SETD1A: variants seen among roughly 807,000 people sequenced by gnomAD.
The protein encoded by SETD1A is histone-lysine N-methyltransferase SETD1A.
Under a neutral mutation model 149.9 loss-of-function variants are expected in SETD1A, and 29 were observed. The observed-to-expected ratio is 0.19, with a 90% CI of 0.14 to 0.26. The LOEUF (loss-of-function observed/expected upper bound fraction) is 0.26, where lower values mean the gene tolerates loss of function less well. Among genes scored for constraint, SETD1A ranks in the 10% least tolerant of loss-of-function variants. SETD1A has a pLI of 1.00. For missense variants in SETD1A, 2,109 were observed against 2,353.1 expected (o/e 0.90, Z 2.15); for synonymous variants, 1,141 against 968.5 (o/e 1.18, Z -3.31).
At chr16:30,958,935 T>A in intron 2 of SETD1A, 54 bp downstream of exon 2, 1 of 1,603,488 alleles carries the variant, frequency 6.2e-7, no homozygotes, top group Non-Finnish European at 8.5e-7. Flanking sequence ...GCCCGTCCTC[T>A]GTGATTCTGT....
rs2143488294 is a variant in SETD1A, at chr16:30,964,706, A to G, written c.964A>G (p.Thr322Ala). ...RHFSASSAST[T>A]ASTAIAATTA... Reference sequence around the variant, plus strand: ...CTTCTCTGCATCTTCAGCCTCCACAACCGCCTCCACGGCCATCGCCGCCAC... The same window carrying G: ...CTTCTCTGCATCTTCAGCCTCCACAGCCGCCTCCACGGCCATCGCCGCCAC... The change falls in exon 7 of 19, where the codon ACC (threonine) becomes GCC (alanine). Residue 322 changes from threonine (T) to alanine (A), a missense_variant. Coordinates refer to ENST00000262519, the MANE Select transcript of SETD1A (RefSeq NM_014712.3). 6.2e-7 allele frequency: 1 copy of G among 1,613,698 alleles called. No individual in the cohort carries two copies.
chr16:30,964,004 AG>A, intron 5 of SETD1A, 89 bp from the exon 6 acceptor site: 3 of 1,029,318 alleles, frequency 2.9e-6, no homozygotes, highest in Admixed American at 4.4e-5. Flanking sequence ...AAAAAAAAAA[AG>A]GGAACTAGGA....
chr16:30,978,383 G>T (rs902327492), intron 13 of SETD1A, among the ~76,000 whole-genome samples: 1 of 152,178 alleles, frequency 6.6e-6, no homozygotes, highest in African/African-American at 2.4e-5. Flanking sequence ...CATTGGGCTG[G>T]CTCTGAGAGC....
At chr16:30,977,883 G>T (rs2056303525) in intron 13 of SETD1A, among the ~76,000 whole-genome samples, 2 of 152,212 alleles carry the variant, frequency 1.3e-5, no homozygotes, top group African/African-American at 4.8e-5. Context: ...GTGGGCTGCA[G>T]TTCAGAGCAT....
rs557184116 is a variant in SETD1A, at chr16:30,967,121, T to A, written c.2682+61T>A. The stretch of plus-strand genomic sequence containing the variant: ...GAGAGGGAGAGGGGGCCCCCTTCCT[T>A]GGGGTAGGGGTGGTCAGGAACCATG... On this transcript the variant is annotated intron_variant, in intron 9 of 18. Coordinates refer to ENST00000262519, the MANE Select transcript of SETD1A (RefSeq NM_014712.3). The A allele has an allele frequency of 4.0e-6, 5 of 1,250,422 alleles. No homozygotes were observed. In the East Asian group the frequency reaches 1.2e-4, roughly 31 times the overall value. 77.5% of individuals were successfully genotyped at this position (1,250,422 alleles called of 1,614,324 possible). A position where few individuals can be genotyped will look rare whatever the true frequency, so the allele number is the denominator to read the frequency against.
At position 30,981,144 on chromosome 16, in the gene SETD1A, G is replaced by A. The variant is rs376294752; in HGVS notation, c.4776G>A (p.Glu1592=). Residue 1592 remains glutamate, a synonymous_variant, in exon 17 of 19, where the codon GAG becomes GAA. Coordinates refer to ENST00000262519, the MANE Select transcript of SETD1A (RefSeq NM_014712.3). ...LFAMEPIAAD[E]MVIEYVGQNI... ...CCATGGAACCCATTGCTGCTGACGA[G>A]ATGGTCATCGAATACGTGGGTCAGA... 1.2e-6 allele frequency: 2 copies of A among 1,614,108 alleles called. No individual in the cohort carries two copies. The highest frequency in any genetic ancestry group is 1.3e-5 in the African/African-American group (1 of 74,932).
intron 3 of SETD1A, among the ~76,000 whole-genome samples, chr16:30,960,670 C>T (rs1368336490): frequency 6.6e-6 from 1 of 151,504 alleles, no homozygotes; most frequent in Admixed American, 6.6e-5. Context: ...AATCATCGCC[C>T]TGTAGCTCGT....
At chr16:30,967,163 C>CT (rs1373408218) in intron 9 of SETD1A, 103 bp downstream of exon 9, 60 of 906,024 alleles carry the variant, frequency 6.6e-5, no homozygotes, top group Non-Finnish European at 8.5e-5. Flanking sequence ...TGAGTTTTTT[C>CT]TTTTTTTTGA....
intron 2 of SETD1A, 21 bp from the exon 3 acceptor site, chr16:30,959,070 T>G: frequency 6.3e-7 from 1 of 1,577,434 alleles, no homozygotes; most frequent in African/African-American, 1.3e-5. Flanking sequence ...GCTCTCTTTC[T>G]GCTGCTGCTT....
chr16:30,981,842 C>G (rs944287896), intron 17 of SETD1A, among the ~76,000 whole-genome samples: 4 of 152,056 alleles, frequency 2.6e-5, no homozygotes, highest in African/African-American at 9.7e-5. Context: ...TCCCAGCTAC[C>G]CAGGAGGCTG....
Position 30,966,316 on chromosome 16 carries a change from G to A in SETD1A, c.2435G>A (p.Arg812His). 6.2e-7 allele frequency: 1 copy of A among 1,613,850 alleles called. No individual in the cohort carries two copies. Among genetic ancestry groups the A allele is most frequent in the East Asian group, 2.2e-5 (1 of 44,880 alleles). ...MKSIMQRDLNRKMVENVAFGA... is the reference protein window; with the variant it reads ...MKSIMQRDLNHKMVENVAFGA... ...AGCATCATGCAGCGAGACCTCAACC[G>A]CAAGATGGTGGAGAACGTGGCCTTC... Residue 812 changes from arginine to histidine, a missense_variant, in exon 8 of 19, where the codon CGC (arginine) becomes CAC (histidine). Physicochemically the swap from Arg to His is conservative, Grantham distance 29. Around this residue, in one of 8 missense-constraint regions of SETD1A, gnomAD observed 22 missense variants for 51.3 expected, o/e 0.43. Transcript: ENST00000262519.
chr16:30,979,102 G>C, intron 13 of SETD1A, 43 bp from the exon 14 acceptor site: 1 of 1,492,070 alleles, frequency 6.7e-7, no homozygotes, highest in Non-Finnish European at 8.9e-7. Context: ...GCTGAGCCTG[G>C]GTCTCCCTGA....
chr16:30,958,829 G>T lies in SETD1A; in HGVS notation c.98G>T (p.Arg33Leu). Reference protein sequence around the residue: ...IVDPALDPALRRPSQKVYRYD... With the variant: ...IVDPALDPALLRPSQKVYRYD... ...GATCCTGCCTTGGACCCTGCCCTGC[G>T]CAGGCCTTCTCAGAAGGTGTACCGC... Residue 33 changes from arginine (R) to leucine (L), a missense_variant, in exon 2 of 19, where the codon CGC (arginine) becomes CTC (leucine). By Grantham distance (102) the Arg-to-Leu change is moderately radical. Coordinates refer to ENST00000262519, the MANE Select transcript of SETD1A (RefSeq NM_014712.3). 8 of 1,614,178 alleles carry T rather than the reference G, an allele frequency of 5.0e-6. No individual in the cohort carries two copies. Among genetic ancestry groups the T allele is most frequent in the Non-Finnish European group, 5.9e-6 (7 of 1,179,996 alleles).
chr16:30,974,399 G>A (rs1482804471), intron 13 of SETD1A, among the ~76,000 whole-genome samples: 2 of 152,076 alleles, frequency 1.3e-5, no homozygotes, highest in African/African-American at 2.4e-5. Flanking sequence ...GCGAGTGGGG[G>A]GAGAGAAAGG....
intron 13 of SETD1A, among the ~76,000 whole-genome samples, chr16:30,972,375 G>A (rs1052343311): frequency 6.6e-6 from 1 of 152,166 alleles, no homozygotes; most frequent in Non-Finnish European, 1.5e-5. Flanking sequence ...GGTGGCTTAC[G>A]CCTGTAATCC....
chr16:30,962,104 G>A lies in SETD1A; in HGVS notation c.517+567G>A, dbSNP rs920539364. Reference sequence around the variant, plus strand: ...TTTTGAGATGGAATCTCAATCTGTCGCCCAGGCTGGAGTGCAGTGGCACGA... The same window carrying A: ...TTTTGAGATGGAATCTCAATCTGTCACCCAGGCTGGAGTGCAGTGGCACGA... On this transcript the variant is annotated intron_variant, in intron 4 of 18. Coordinates refer to ENST00000262519, the MANE Select transcript of SETD1A (RefSeq NM_014712.3). 4.9e-5 allele frequency among the ~76,000 whole-genome samples: 7 copies of A among 142,600 alleles called. No homozygotes were observed. The East Asian group carries it at 8.1e-4, about 17-fold the overall frequency. 93.6% of individuals were successfully genotyped at this position (142,600 alleles called of 152,430 possible). A position where few individuals can be genotyped will look rare whatever the true frequency, so the allele number is the denominator to read the frequency against.
In SETD1A at chr16:30,964,808, T is replaced by A. The variant is rs117891062; in HGVS notation, c.1066T>A (p.Ser356Thr). 0.032 allele frequency: 52,410 copies of A among 1,614,120 alleles called. 1,005 individuals carry two copies. The highest frequency in any genetic ancestry group is 0.05 in the Middle Eastern group (305 of 6,062). The change falls in exon 7 of 19, where the codon TCC becomes ACC. Residue 356 changes from serine to threonine, a missense_variant. By Grantham distance (58) the Ser-to-Thr change is moderately conservative. Around this residue, in one of 8 missense-constraint regions of SETD1A, gnomAD observed 410 missense variants for 394.8 expected, o/e 1.04. Coordinates refer to ENST00000262519, the MANE Select transcript of SETD1A (RefSeq NM_014712.3). ...SSSSSSSSSSSSQFRSSDANY... is the reference protein window; with the variant it reads ...SSSSSSSSSSTSQFRSSDANY... ...CTCCTCGTCATCCTCTTCCTCCTCG[T>A]CCTCTCAGTTTCGTAGTTCTGATGC...
intron 2 of SETD1A, 59 bp downstream of exon 2, chr16:30,958,940 T>C (rs2056006851): frequency 1.3e-6 from 2 of 1,599,838 alleles, no homozygotes; most frequent in Non-Finnish European, 1.7e-6. Flanking sequence ...TCCTCTGTGA[T>C]TCTGTTCAGC....
rs369238104 is a variant in SETD1A, at chr16:30,964,789, G to T, written c.1047G>T (p.Ser349=). The change falls in exon 7 of 19, where the codon TCG becomes TCT. Residue 349 remains serine (S), a synonymous_variant. Coordinates refer to ENST00000262519, the MANE Select transcript of SETD1A (RefSeq NM_014712.3). ...CCTCCTCATTGTCCTCGTCCTCCTC[G>T]TCATCCTCTTCCTCCTCGTCCTCTC... ...ASSSSLSSSS[S]SSSSSSSSQF... The T allele has an allele frequency of 5.0e-5, 81 of 1,613,800 alleles. No homozygotes were observed. The highest frequency in any genetic ancestry group is 6.7e-5 in the Non-Finnish European group (79 of 1,179,948).
Sources: gnomAD v4.1 joint callset for allele counts (sites outside exome capture counted in the v4.1 genomes callset) on GRCh38, gnomAD v4.1.1 for gene constraint, gnomAD v4.1.1 regional missense constraint, MANE v1.5 for transcripts, NCBI Gene and HGNC (gene_info 2026-07-23, HGNC 2026-07-21) for gene names.